The following MARK2 variants were observed in gnomAD, a reference collection of about 807,000 sequenced individuals.
The protein encoded by MARK2 is microtubule affinity regulating kinase 2.
In MARK2, 16 loss-of-function variants were observed where a neutral mutation model predicts 89.8. That is an observed-to-expected ratio of 0.18 (90% CI 0.12 to 0.27). MARK2 has a LOEUF of 0.27. Among genes scored for constraint, MARK2 ranks in the 10% least tolerant of loss-of-function variants. The pLI is 1.00. For missense variants in MARK2, 621 were observed against 1,049.9 expected (o/e 0.59, Z 5.65); for synonymous variants, 382 against 399.5 (o/e 0.96, Z 0.52).
At chr11:63,894,637 G>A (rs1037287077) in intron 1 of MARK2, among the ~76,000 whole-genome samples, 5 of 152,070 alleles carry the variant, frequency 3.3e-5, no homozygotes, top group South Asian at 2.1e-4. Context: ...TGGAGGTTGC[G>A]GTGAGCTGAG....
At chr11:63,901,387 G>T (rs1046192175) in intron 11 of MARK2, among the ~76,000 whole-genome samples, 14 of 146,558 alleles carry the variant, frequency 9.6e-5, no homozygotes, top group African/African-American at 3.5e-4. Context: ...AGATATCTTT[G>T]TGTCTCTTTT....
intron 7 of MARK2, 124 bp downstream of exon 7, chr11:63,899,232 T>G (rs1940663184): frequency 5.8e-6 from 4 of 685,192 alleles, no homozygotes; most frequent in South Asian, 5.1e-5. Flanking sequence ...AGCCTTTCTT[T>G]TTTTCTTTCT....
chr11:63,855,050 C>T (rs767917680), intron 1 of MARK2, among the ~76,000 whole-genome samples: 1 of 152,060 alleles, frequency 6.6e-6, no homozygotes, highest in African/African-American at 2.4e-5. Context: ...TTCAAGTTTT[C>T]AAGTGAAAAT....
chr11:63,904,115 C>G lies in MARK2; in HGVS notation c.1644C>G (p.Pro548=), dbSNP rs999498552. ...VHPNKASGLP[P]TESNCEVPRP... ...CCAACAAGGCCTCTGGGCTGCCCCC[C>G]ACGGAGAGTAACTGTGAGGTGCCGC... The change falls in exon 15 of 19, where the codon CCC becomes CCG. Residue 548 remains proline, a synonymous_variant. Coordinates refer to ENST00000402010, the MANE Select transcript of MARK2 (RefSeq NM_001039469.3). The surrounding 1 kb of genome is among the most constrained non-coding windows in gnomAD (Gnocchi z 6.3). 7 of 1,597,780 alleles carry G rather than the reference C, an allele frequency of 4.4e-6. No individual in the cohort carries two copies. The highest frequency in any genetic ancestry group is 5.9e-6 in the Non-Finnish European group (7 of 1,176,622).
At chr11:63,889,074 C>A in intron 1 of MARK2, 1 of 750,206 alleles carries the variant, frequency 1.3e-6, no homozygotes, top group Non-Finnish European at 2.0e-6. Flanking sequence ...CTGAGTCCAG[C>A]ATAGTAATAT....
intron 3 of MARK2, among the ~76,000 whole-genome samples, chr11:63,897,690 A>C (rs1412029380): frequency 6.6e-6 from 1 of 152,154 alleles, no homozygotes; most frequent in Admixed American, 6.5e-5. Flanking sequence ...GATTTGATTA[A>C]AATTGGCATC....
At chr11:63,898,325 C>T in intron 4 of MARK2, 45 bp downstream of exon 4, 5 of 1,553,710 alleles carry the variant, frequency 3.2e-6, no homozygotes. Flanking sequence ...AACAGCAAGG[C>T]ACTGCTTTCC....
chr11:63,871,181 C>T (rs940552938), intron 1 of MARK2, among the ~76,000 whole-genome samples: 20 of 152,176 alleles, frequency 1.3e-4, no homozygotes, highest in African/African-American at 4.1e-4. Context: ...GCTTTAAATA[C>T]GAAGCCATCA....
At chr11:63,849,333 C>A (rs143463784) in intron 1 of MARK2, among the ~76,000 whole-genome samples, 31 of 152,324 alleles carry the variant, frequency 2.0e-4, no homozygotes, top group African/African-American at 6.7e-4. Context: ...GGAAGTGGGG[C>A]TCCTTAGGCC....
chr11:63,872,794 C>T (rs1382328342), intron 1 of MARK2, among the ~76,000 whole-genome samples: 10 of 152,064 alleles, frequency 6.6e-5, no homozygotes, highest in Non-Finnish European at 1.5e-4. Context: ...ACGGGAACCC[C>T]GCCGCTTCCC....
chr11:63,903,892 A>C lies in MARK2; in HGVS notation c.1515-94A>C. The C allele has an allele frequency of 9.3e-7, 1 of 1,078,780 alleles. No individual in the cohort carries two copies. Among genetic ancestry groups the C allele is most frequent in the South Asian group, 1.6e-5 (1 of 61,600 alleles). 66.8% of individuals were successfully genotyped at this position (1,078,780 alleles called of 1,614,324 possible). On this transcript the variant is annotated intron_variant, in intron 14 of 18. Coordinates refer to ENST00000402010, the MANE Select transcript of MARK2 (RefSeq NM_001039469.3). The surrounding 1 kb of genome is among the most constrained non-coding windows in gnomAD (Gnocchi z 5.1). ...GACTTCTACCCTGCCAGAGCTCCCC[A>C]GCTCTGGCCCTTCCCCTGCCCTTGC...
chr11:63,849,781 C>T (rs1159045353), intron 1 of MARK2, among the ~76,000 whole-genome samples: 1 of 152,106 alleles, frequency 6.6e-6, no homozygotes, highest in Non-Finnish European at 1.5e-5. Context: ...GGTTTTGCGG[C>T]TAGATTTCCT....
chr11:63,853,698 T>A lies in MARK2; in HGVS notation c.54+14138T>A, dbSNP rs369250166. The stretch of plus-strand genomic sequence containing the variant: ...GGAGAAAACTGCTGACGCCGTAACA[T>A]GGATCAAGGAAGTGGCACTAAGCTC... On this transcript the variant is annotated intron_variant, in intron 1 of 18. Coordinates refer to ENST00000402010, the MANE Select transcript of MARK2 (RefSeq NM_001039469.3). 9.8e-5 allele frequency among the ~76,000 whole-genome samples: 15 copies of A among 152,304 alleles called. No homozygotes were observed. The East Asian group carries it at 2.3e-3, about 24-fold the overall frequency.
intron 11 of MARK2, 44 bp downstream of exon 11, chr11:63,901,113 G>C: frequency 7.7e-7 from 1 of 1,292,126 alleles, no homozygotes; most frequent in Non-Finnish European, 1.1e-6. Context: ...CAGCCTCACT[G>C]TCTGTAGCAC....
intron 1 of MARK2, among the ~76,000 whole-genome samples, chr11:63,857,058 G>A (rs951593726): frequency 7.3e-5 from 11 of 151,298 alleles, no homozygotes; most frequent in Non-Finnish European, 1.0e-4. Flanking sequence ...TGATCCGCCC[G>A]CCTCGGCCTC....
chr11:63,874,998 T>C (rs1436947335), intron 1 of MARK2, among the ~76,000 whole-genome samples: 1 of 152,176 alleles, frequency 6.6e-6, no homozygotes, highest in Non-Finnish European at 1.5e-5. Context: ...TCGCCCAGGC[T>C]GGAGTGCAGT....
chr11:63,862,433 C>T (rs1464019324), intron 1 of MARK2, among the ~76,000 whole-genome samples: 4 of 150,002 alleles, frequency 2.7e-5, no homozygotes, highest in Non-Finnish European at 5.9e-5. Flanking sequence ...TTAGGATTAG[C>T]TCCCAGTCAG....
At chr11:63,860,561 T>A (rs369399088) in intron 1 of MARK2, among the ~76,000 whole-genome samples, 6,927 of 132,122 alleles carry the variant, frequency 0.052, 227 homozygotes, top group Middle Eastern at 0.085. Flanking sequence ...AAAAAAAAAA[T>A]AAATAGAAAT....
intron 1 of MARK2, among the ~76,000 whole-genome samples, chr11:63,875,553 T>G (rs1938698837): frequency 6.6e-6 from 1 of 152,322 alleles, no homozygotes; most frequent in East Asian, 1.9e-4. Flanking sequence ...TGGCCAACTT[T>G]CATTCCTTCT....
Sources: gnomAD v4.1 joint callset for allele counts (sites outside exome capture counted in the v4.1 genomes callset) on GRCh38, gnomAD v4.1.1 for gene constraint, Gnocchi (gnomAD v3.1) non-coding constraint, MANE v1.5 for transcripts, NCBI Gene and HGNC (gene_info 2026-07-23, HGNC 2026-07-21) for gene names.